Variants in KCND1 observed in about 807,000 individuals in gnomAD.
KCND1 encodes the protein potassium voltage-gated channel subfamily D member 1.
Under a neutral mutation model 31.8 loss-of-function variants are expected in KCND1, and 11 were observed. That is an observed-to-expected ratio of 0.35 (90% CI 0.22 to 0.57). The LOEUF (loss-of-function observed/expected upper bound fraction) is 0.57, where lower values mean the gene tolerates loss of function less well. KCND1 is among the 20% of genes least tolerant of loss of function. The pLI is 0.85. For synonymous variants in KCND1, 234 were observed against 248.1 expected (o/e 0.94, Z 0.53); for missense variants, 471 against 596.8 (o/e 0.79, Z 2.20).
intron 5 of KCND1, among the ~76,000 whole-genome samples, chrX:48,964,625 G>T (rs2147716940): frequency 9.1e-6 from 1 of 109,300 alleles, no homozygotes; most frequent in East Asian, 2.9e-4. Flanking sequence ...GCTGAGGCAG[G>T]AGAATCGTCT....
At chrX:48,964,764 C>T (rs1293251280) in intron 5 of KCND1, among the ~76,000 whole-genome samples, 4 of 104,776 alleles carry the variant, frequency 3.8e-5, no homozygotes, top group African/African-American at 1.4e-4. Context: ...TGGCTCACGC[C>T]TGTAATCCCA....
Position 48,966,654 on chromosome X carries a change from T to C in KCND1, c.1391A>G (p.Gln464Arg). The C allele has an allele frequency of 2.5e-6, 3 of 1,209,866 alleles. No homozygotes were observed. The highest frequency in any genetic ancestry group is 3.4e-6 in the Non-Finnish European group (3 of 894,552). Reference protein sequence around the residue: ...GLEDSGSGEEQALCVRNRSAF... With the variant: ...GLEDSGSGEERALCVRNRSAF... ...AGAACGGTTCCTGACACAAAGAGCC[T>C]GTTCCTCGCCACTGCCGCTGTCCTG... Residue 464 changes from glutamine (Q) to arginine (R), a missense_variant, in exon 4 of 6, where the codon CAG becomes CGG. Coordinates refer to ENST00000218176, the MANE Select transcript of KCND1 (RefSeq NM_004979.6).
In KCND1 at chrX:48,970,254, G is replaced by A. The variant is rs1557058776; in HGVS notation, c.18C>T (p.Ala6=). Residue 6 remains alanine, a synonymous_variant, in exon 1 of 6, where the codon GCC becomes GCT. Coordinates refer to ENST00000218176, the MANE Select transcript of KCND1 (RefSeq NM_004979.6). Reference sequence around the variant, plus strand: ...CTGCCCGAGCAAAAGGCAGCCACGTGGCCAGGCCTGCCGCCATCGTGCCAC... The same window carrying A: ...CTGCCCGAGCAAAAGGCAGCCACGTAGCCAGGCCTGCCGCCATCGTGCCAC... MAAGL[A]TWLPFARAAA... 1 of 1,200,482 alleles carries A rather than the reference G, an allele frequency of 8.3e-7. No individual in the cohort carries two copies.
chrX:48,970,128 T>A lies in KCND1; in HGVS notation c.144A>T (p.Gly48=). 1 of 1,211,054 alleles carries A rather than the reference T, an allele frequency of 8.3e-7. No individual in the cohort carries two copies. Among genetic ancestry groups the A allele is most frequent in the Non-Finnish European group, 1.1e-6 (1 of 895,237 alleles). ...GDEVLVVNVS[G]RRFETWKNTL... is the part of the protein sequence containing the mutation. The stretch of plus-strand genomic sequence containing the variant: ...TATTCTTCCAAGTCTCAAAGCGCCG[T>A]CCGCTCACGTTCACCACCAGAACCT... Residue 48 remains glycine, a synonymous_variant, in exon 1 of 6, where the codon GGA becomes GGT. Transcript: ENST00000218176.
At position 48,969,578 on chromosome X, in the gene KCND1, A is replaced by T. The variant is rs2064372679; in HGVS notation, c.694T>A (p.Phe232Ile). The change falls in exon 1 of 6, where the codon TTC (phenylalanine) becomes ATC (isoleucine). Residue 232 changes from phenylalanine to isoleucine, a missense_variant. This residue lies in a region of KCND1 where 212 missense variants were observed against 257.9 expected (regional missense o/e 0.82). Transcript: ENST00000218176. ...PCGERFPQAF[F>I]CMDTACVLIF... The stretch of plus-strand genomic sequence containing the variant: ...AGTACACAGGCTGTGTCCATGCAGA[A>T]AAAGGCCTGTGGGAAGCGTTCGCCA... 3 of 1,209,595 alleles carry T rather than the reference A, an allele frequency of 2.5e-6. No homozygotes were observed. Among genetic ancestry groups the T allele is most frequent in the Non-Finnish European group, 3.4e-6 (3 of 894,718 alleles).
chrX:48,966,565 C>T lies in KCND1; in HGVS notation c.1467+13G>A. On this transcript the variant is annotated intron_variant, in intron 4 of 5. Transcript: ENST00000218176. Reference sequence around the variant, plus strand: ...CCCTCTATTCTGCTATATCACCTCACATTAGGCCTCACCGTTGTCTTCTCT... The same window carrying T: ...CCCTCTATTCTGCTATATCACCTCATATTAGGCCTCACCGTTGTCTTCTCT... The T allele has an allele frequency of 8.3e-7, 1 of 1,199,393 alleles. No individual in the cohort carries two copies. The highest frequency in any genetic ancestry group is 3.0e-5 in the East Asian group (1 of 33,762).
In KCND1 at chrX:48,966,815, T is replaced by C; in HGVS notation, c.1314A>G (p.Ala438=). 8.3e-7 allele frequency: 1 copy of C among 1,206,666 alleles called. No individual in the cohort carries two copies. Among genetic ancestry groups the C allele is most frequent in the Non-Finnish European group, 1.1e-6 (1 of 893,814 alleles). Residue 438 remains alanine, a synonymous_variant, in exon 3 of 6, where the codon GCA becomes GCG. Coordinates refer to ENST00000218176, the MANE Select transcript of KCND1 (RefSeq NM_004979.6). ...GGAAGGCATTGGTGGTACCACTCTTTGCCAATCGGATCCTTGCCAAGCGCA... is the reference window on the plus strand; with the variant it reads ...GGAAGGCATTGGTGGTACCACTCTTCGCCAATCGGATCCTTGCCAAGCGCA... ...QKVRLARIRL[A]KSGTTNAFLQ... is the part of the protein sequence containing the mutation.
chrX:48,962,614 G>T lies in KCND1; in HGVS notation c.1911C>A (p.Leu637=). The T allele has an allele frequency of 1.7e-6, 2 of 1,208,923 alleles. No individual in the cohort carries two copies. Among genetic ancestry groups the T allele is most frequent in the South Asian group, 1.8e-5 (1 of 56,520 alleles). The change falls in exon 6 of 6, where the codon CTC becomes CTA. Residue 637 remains leucine (L), a synonymous_variant. Coordinates refer to ENST00000218176, the MANE Select transcript of KCND1 (RefSeq NM_004979.6). ...LRNSSLGTPC[L]FPETVKISSL is the part of the protein sequence containing the mutation. ...ATGAGATCTTGACAGTCTCGGGGAA[G>T]AGGCAAGGGGTACCCAGGCTGGAGT...
Position 48,962,743 on chromosome X carries a change from G to C in KCND1, c.1782C>G (p.Phe594Leu). Residue 594 changes from phenylalanine to leucine, a missense_variant, in exon 6 of 6, where the codon TTC (phenylalanine) becomes TTG (leucine). Physicochemically the swap from Phe to Leu is conservative, Grantham distance 22 (BLOSUM62 0). This residue lies in a region of KCND1 where 185 missense variants were observed against 184.7 expected (regional missense o/e 1.00). Transcript: ENST00000218176. ...TAGGGATGCTGATAATGGCAGCCAC[G>C]AAGTCCCGGCTGTCGCAGTTCAGGT... ...SLDLNCDSRDFVAAIISIPTP... is the reference protein window; with the variant it reads ...SLDLNCDSRDLVAAIISIPTP... 1.7e-6 allele frequency: 2 copies of C among 1,210,795 alleles called. No individual in the cohort carries two copies. Among genetic ancestry groups the C allele is most frequent in the Non-Finnish European group, 2.2e-6 (2 of 895,062 alleles).
At chrX:48,967,256 C>G in intron 1 of KCND1, 150 bp from the exon 2 acceptor site, 1 of 491,026 alleles carries the variant, frequency 2.0e-6, no homozygotes. Flanking sequence ...CTGTAAAATG[C>G]TGGGTGGCCA....
chrX:48,965,053 CT>C lies in KCND1; in HGVS notation c.1718+1001del, dbSNP rs1181879673. Among the ~76,000 whole-genome samples the C allele has an allele frequency of 2.1e-3, 176 of 84,035 alleles. 1 individual carries two copies. The highest frequency in any genetic ancestry group is 0.013 in the East Asian group (35 of 2,597). 73.0% of individuals were successfully genotyped at this position (84,035 alleles called of 115,157 possible). ...AACTGCATCACCACCCTGCTGTATG[CT>C]TTTTTTTTTTTTTTTTAGACAGCGT... On this transcript the variant is annotated intron_variant, in intron 5 of 5. Coordinates refer to ENST00000218176, the MANE Select transcript of KCND1 (RefSeq NM_004979.6).
At position 48,962,341 on chromosome X, in the gene KCND1, G is replaced by T; in HGVS notation, c.*240C>A. ...GTGTGCTAGGGCAAGGAGGCCAGGG[G>T]CCTGTGGAAGCCCAGTGCTTCAGCT... On this transcript the variant is annotated 3_prime_UTR_variant, in exon 6 of 6. Coordinates refer to ENST00000218176, the MANE Select transcript of KCND1 (RefSeq NM_004979.6). 1 of 395,186 alleles carries T rather than the reference G, an allele frequency of 2.5e-6. No individual in the cohort carries two copies. Among genetic ancestry groups the T allele is most frequent in the East Asian group, 4.1e-5 (1 of 24,349 alleles). The allele number at this position is 395,186 out of a possible 1,213,427, so 32.6% of individuals were successfully genotyped here. A position where few individuals can be genotyped will look rare whatever the true frequency, so the allele number is the denominator to read the frequency against.
chrX:48,970,275 G>T lies in KCND1; in HGVS notation c.-4C>A. 8.4e-7 allele frequency: 1 copy of T among 1,193,039 alleles called. No individual in the cohort carries two copies. Among genetic ancestry groups the T allele is most frequent in the Admixed American group, 2.4e-5 (1 of 42,004 alleles). On this transcript the variant is annotated 5_prime_UTR_variant, in exon 1 of 6. Coordinates refer to ENST00000218176, the MANE Select transcript of KCND1 (RefSeq NM_004979.6). The stretch of plus-strand genomic sequence containing the variant: ...ACGTGGCCAGGCCTGCCGCCATCGT[G>T]CCACTCCCCAAGCCCAGGGAGACTT...
chrX:48,970,471 A>G lies in KCND1; in HGVS notation c.-200T>C. Reference sequence around the variant, plus strand: ...CTGGGGGACATTTACAGAACCTAGGAGGGGCCTGGGCAATGTTCTGAGGGA... The same window carrying G: ...CTGGGGGACATTTACAGAACCTAGGGGGGGCCTGGGCAATGTTCTGAGGGA... On this transcript the variant is annotated 5_prime_UTR_variant, in exon 1 of 6. Coordinates refer to ENST00000218176, the MANE Select transcript of KCND1 (RefSeq NM_004979.6). 1 of 408,003 alleles carries G rather than the reference A, an allele frequency of 2.5e-6. No homozygotes were observed. The highest frequency in any genetic ancestry group is 4.2e-6 in the Non-Finnish European group (1 of 240,525). The allele number at this position is 408,003 out of a possible 1,213,427, so 33.6% of individuals were successfully genotyped here. A position where few individuals can be genotyped will look rare whatever the true frequency, so the allele number is the denominator to read the frequency against.
At position 48,966,847 on chromosome X, in the gene KCND1, G is replaced by T; in HGVS notation, c.1285-3C>A. On this transcript the variant is annotated splice_region_variant and splice_polypyrimidine_tract_variant and intron_variant, in intron 2 of 5. Coordinates refer to ENST00000218176, the MANE Select transcript of KCND1 (RefSeq NM_004979.6). ...CGGATCCTTGCCAAGCGCACCTTCT[G>T]CAGAGAGAGGAGATAAAAGGTCAGG... 8.3e-7 allele frequency: 1 copy of T among 1,203,485 alleles called. No homozygotes were observed. The highest frequency in any genetic ancestry group is 1.8e-5 in the South Asian group (1 of 56,328).
rs961803487 is a variant in KCND1, at chrX:48,969,416, C to T, written c.856G>A (p.Asp286Asn). 1 of 1,210,725 alleles carries T rather than the reference C, an allele frequency of 8.3e-7. No individual in the cohort carries two copies. The part of the protein sequence containing the change: ...YIGLLVPKND[D>N]VSGAFVTLRV... ...AGGGTGACAAAGGCGCCAGAGACAT[C>T]GTCGTTCTTGGGCACCAAAAGCCCA... The change falls in exon 1 of 6, where the codon GAT becomes AAT. Residue 286 changes from aspartate (D) to asparagine (N), a missense_variant. Physicochemically the swap from Asp to Asn is conservative, Grantham distance 23. Coordinates refer to ENST00000218176, the MANE Select transcript of KCND1 (RefSeq NM_004979.6).
intron 2 of KCND1, 48 bp downstream of exon 2, chrX:48,966,896 G>C: frequency 2.5e-6 from 3 of 1,203,641 alleles, no homozygotes; most frequent in Non-Finnish European, 3.4e-6. Flanking sequence ...AAGTAGACTG[G>C]CTTGGGGTGT....
rs781793237 is a variant in KCND1, at chrX:48,966,578, C to CGTT, written c.1464_1466dup (p.Thr489dup). 1 of 1,207,356 alleles carries CGTT rather than the reference C, an allele frequency of 8.3e-7. No homozygotes were observed. Among genetic ancestry groups the CGTT allele is most frequent in the Non-Finnish European group, 1.1e-6 (1 of 892,278 alleles). On this transcript the variant is annotated inframe_insertion and splice_region_variant, in exon 4 of 6. Transcript: ENST00000218176. ...TATATCACCTCACATTAGGCCTCACCGTTGTCTTCTCTAGACAGTGCAGCA... is the reference window on the plus strand; with the variant it reads ...TATATCACCTCACATTAGGCCTCACCGTTGTTGTCTTCTCTAGACAGTGCAGCA...
intron 4 of KCND1, 71 bp downstream of exon 4, chrX:48,966,507 A>G: frequency 9.4e-7 from 1 of 1,066,236 alleles, no homozygotes; most frequent in Non-Finnish European, 1.3e-6. Flanking sequence ...CCTCCCATCC[A>G]AGGGAGAGAG....
Sources: allele counts gnomAD v4.1 joint callset (sites outside exome capture counted in the v4.1 genomes callset), GRCh38; gene constraint gnomAD v4.1.1; regional missense constraint gnomAD v4.1.1; transcripts MANE v1.5; gene names NCBI Gene and HGNC (gene_info 2026-07-23, HGNC 2026-07-21).